TAF15: variants seen among roughly 807,000 people sequenced by gnomAD.
The protein encoded by TAF15 is TATA-binding protein-associated factor 2N.
Under a neutral mutation model 102.5 loss-of-function variants are expected in TAF15, and 37 were observed. The observed-to-expected ratio is 0.36, with a 90% CI of 0.28 to 0.47. TAF15 has a LOEUF of 0.47. TAF15 is among the 20% of genes least tolerant of loss of function. TAF15 has a pLI of 0.99. For missense variants in TAF15, 652 were observed against 760.7 expected (o/e 0.86, Z 1.68); for synonymous variants, 273 against 259.2 (o/e 1.05, Z -0.51).
intron 7 of TAF15, among the ~76,000 whole-genome samples, chr17:35,825,436 C>T (rs1291193871): frequency 6.6e-6 from 1 of 152,152 alleles, no homozygotes; most frequent in Non-Finnish European, 1.5e-5. Flanking sequence ...AATAGCCTCC[C>T]TCCTGTTCCA....
chr17:35,843,248 C>T (rs550647241), intron 12 of TAF15, among the ~76,000 whole-genome samples: 68 of 152,198 alleles, frequency 4.5e-4, no homozygotes, highest in African/African-American at 1.6e-3. Flanking sequence ...CTCAGCGTCC[C>T]AAGTAGCTGG....
intron 10 of TAF15, 60 bp downstream of exon 10, chr17:35,836,301 G>A (rs2087474022): frequency 8.1e-7 from 1 of 1,230,828 alleles, no homozygotes; most frequent in African/African-American, 1.5e-5. Flanking sequence ...ACAATACATA[G>A]ACTATGTAGT....
At chr17:35,823,475 A>AGGTG (rs2087287814) in intron 6 of TAF15, 1 of 167,422 alleles carries the variant, frequency 6.0e-6, no homozygotes, top group Non-Finnish European at 1.3e-5. Context: ...CGAGGTGGGC[A>AGGTG]GATCACGAGG....
intron 10 of TAF15, among the ~76,000 whole-genome samples, chr17:35,836,664 AT>A (rs760262414): frequency 1.2e-3 from 188 of 152,162 alleles, no homozygotes; most frequent in Non-Finnish European, 2.3e-3. Context: ...CTTTTGCACT[AT>A]TTTCATGCAT....
At chr17:35,843,589 G>A (rs2087573770) in intron 12 of TAF15, among the ~76,000 whole-genome samples, 1 of 152,002 alleles carries the variant, frequency 6.6e-6, no homozygotes, top group South Asian at 2.1e-4. Flanking sequence ...GTATAGGTTA[G>A]GCATCCTAAG....
chr17:35,837,713 G>A (rs1215718766), intron 10 of TAF15, among the ~76,000 whole-genome samples: 1 of 151,990 alleles, frequency 6.6e-6, no homozygotes, highest in Non-Finnish European at 1.5e-5. Flanking sequence ...TGTAGTCCCA[G>A]CTACTTGGGC....
chr17:35,840,866 A>AG (rs1383209295), intron 11 of TAF15, among the ~76,000 whole-genome samples: 3 of 151,912 alleles, frequency 2.0e-5, no homozygotes, highest in Non-Finnish European at 4.4e-5. Flanking sequence ...ACTCCGTCAA[A>AG]AAAAAAAATG....
intron 15 of TAF15, among the ~76,000 whole-genome samples, 198 bp from the exon 16 acceptor site, chr17:35,846,708 C>A (rs1006283817): frequency 6.6e-6 from 1 of 152,150 alleles, no homozygotes; most frequent in Non-Finnish European, 1.5e-5. Context: ...AAAGCTTCTT[C>A]TAGGAACTTT....
intron 7 of TAF15, among the ~76,000 whole-genome samples, chr17:35,828,696 A>G (rs1182944277): frequency 1.3e-5 from 2 of 151,980 alleles, no homozygotes; most frequent in Admixed American, 1.3e-4. Flanking sequence ...GTGCTTATGA[A>G]TAGCCACTGC....
chr17:35,842,468 C>T lies in TAF15; in HGVS notation c.1006+9C>T. On this transcript the variant is annotated intron_variant, in intron 12 of 15. Coordinates refer to ENST00000605844, the MANE Select transcript of TAF15 (RefSeq NM_139215.3). Reference sequence around the variant, plus strand: ...TGGAGGTGGGCGGCGAGGTAAGATCCTTGCTGCGTACAGTCCTGGATACTA... The same window carrying T: ...TGGAGGTGGGCGGCGAGGTAAGATCTTTGCTGCGTACAGTCCTGGATACTA... 1 of 1,606,308 alleles carries T rather than the reference C, an allele frequency of 6.2e-7. No homozygotes were observed. The highest frequency in any genetic ancestry group is 8.5e-7 in the Non-Finnish European group (1 of 1,173,088).
intron 5 of TAF15, among the ~76,000 whole-genome samples, 198 bp from the exon 6 acceptor site, chr17:35,822,442 G>C (rs1035335327): frequency 6.6e-6 from 1 of 151,842 alleles, no homozygotes; most frequent in African/African-American, 2.4e-5. Context: ...TCATAATGTG[G>C]CACCTCTTCA....
At chr17:35,838,595 A>G in intron 11 of TAF15, 42 bp downstream of exon 11, 1 of 1,609,362 alleles carries the variant, frequency 6.2e-7, no homozygotes, top group Non-Finnish European at 8.5e-7. Context: ...AGTTGGATAA[A>G]TGTTTTCTAG....
intron 9 of TAF15, among the ~76,000 whole-genome samples, chr17:35,835,364 G>GT (rs2087461364): frequency 6.6e-6 from 1 of 152,156 alleles, no homozygotes; most frequent in Non-Finnish European, 1.5e-5. Context: ...CTTATTTTGG[G>GT]TAGAGGTCAC....
chr17:35,819,049 TATAGG>T, intron 2 of TAF15, among the ~76,000 whole-genome samples: 1 of 152,228 alleles, frequency 6.6e-6, no homozygotes, highest in East Asian at 1.9e-4. Context: ...GCCTTCAACT[TATAGG>T]ATAAATGTTT....
At chr17:35,833,556 T>C (rs2087433060) in intron 7 of TAF15, 1 of 191,514 alleles carries the variant, frequency 5.2e-6, no homozygotes, top group Non-Finnish European at 1.1e-5. Flanking sequence ...ATTTAGAAAA[T>C]AACCGTTTGG....
At chr17:35,834,776 G>A (rs1399955652) in intron 9 of TAF15, among the ~76,000 whole-genome samples, 178 bp downstream of exon 9, 7 of 111,070 alleles carry the variant, frequency 6.3e-5, no homozygotes, top group East Asian at 4.8e-4. Flanking sequence ...ATGGAGTTTC[G>A]CTCTTGTTGC....
Position 35,809,549 on chromosome 17 carries a change from T to A in TAF15, c.-21T>A. 1 of 1,613,086 alleles carries A rather than the reference T, an allele frequency of 6.2e-7. No individual in the cohort carries two copies. Among genetic ancestry groups the A allele is most frequent in the Non-Finnish European group, 8.5e-7 (1 of 1,179,804 alleles). On this transcript the variant is annotated 5_prime_UTR_variant, in exon 1 of 16. Coordinates refer to ENST00000605844, the MANE Select transcript of TAF15 (RefSeq NM_139215.3). Reference sequence around the variant, plus strand: ...GTTGTTCTCGGCGGGCTGTGGGGCCTCCGCGCCGCGGCCGTTAGTCATGTC... The same window carrying A: ...GTTGTTCTCGGCGGGCTGTGGGGCCACCGCGCCGCGGCCGTTAGTCATGTC...
At chr17:35,818,196 C>T (rs1275498432) in intron 2 of TAF15, among the ~76,000 whole-genome samples, 4 of 152,104 alleles carry the variant, frequency 2.6e-5, no homozygotes. Flanking sequence ...CGCAGGTTCA[C>T]GCCATTCTCT....
chr17:35,825,776 G>A (rs9911598), intron 7 of TAF15, among the ~76,000 whole-genome samples: 21,365 of 151,828 alleles, frequency 0.14, 1,717 homozygotes, highest in East Asian at 0.22. Flanking sequence ...GTGAAACCCC[G>A]TCTCTACTAA....
Sources: allele counts gnomAD v4.1 joint callset (sites outside exome capture counted in the v4.1 genomes callset), GRCh38; gene constraint gnomAD v4.1.1; transcripts MANE v1.5; gene names NCBI Gene and HGNC (gene_info 2026-07-23, HGNC 2026-07-21).